ISM1: variants seen among roughly 807,000 people sequenced by gnomAD.
The protein encoded by ISM1 is isthmin 1.
Under a neutral mutation model 46.3 loss-of-function variants are expected in ISM1, and 25 were observed. The observed-to-expected ratio is 0.54, with a 90% confidence interval of 0.39 to 0.75. The LOEUF (loss-of-function observed/expected upper bound fraction) is 0.75. ISM1 is among the 30% of genes least tolerant of loss of function. The pLI is 0.00. For synonymous variants in ISM1, 255 were observed against 256.7 expected, an observed-to-expected ratio of 0.99 and a Z score of 0.06; for missense variants, 536 against 625.4, an observed-to-expected ratio of 0.86 and a Z score of 1.52.
At chr20:13,251,339 A>G (rs181385318) in intron 1 of ISM1, among the ~76,000 whole-genome samples, 16 of 152,218 alleles carry the variant, frequency 1.1e-4, no homozygotes, top group Non-Finnish European at 1.5e-5. Flanking sequence ...TCAGTTCTTA[A>G]CCTTCAAACT....
intron 1 of ISM1, among the ~76,000 whole-genome samples, chr20:13,229,144 CTCTCTCTT>C (rs2039561016): frequency 6.8e-6 from 1 of 146,394 alleles, no homozygotes; most frequent in African/African-American, 2.5e-5. Flanking sequence ...TCTTCTCTCT[CTCTCTCTT>C]TCTGCATTTT....
intron 2 of ISM1, among the ~76,000 whole-genome samples, chr20:13,276,002 AC>A (rs1202196884): frequency 6.6e-6 from 1 of 152,184 alleles, no homozygotes; most frequent in East Asian, 1.9e-4. Flanking sequence ...TGGGGTTGCC[AC>A]CCTTGTTCTT....
intron 1 of ISM1, among the ~76,000 whole-genome samples, chr20:13,259,038 T>C (rs142973358): frequency 0.026 from 3,996 of 152,184 alleles, 90 homozygotes; most frequent in Non-Finnish European, 0.039. Context: ...ATCCCAACAC[T>C]TTGGGAGGCC....
At chr20:13,279,441 T>C (rs1465241513) in intron 2 of ISM1, among the ~76,000 whole-genome samples, 193 bp from the exon 3 acceptor site, 1 of 152,208 alleles carries the variant, frequency 6.6e-6, no homozygotes, top group Non-Finnish European at 1.5e-5. Flanking sequence ...CAAAGCCATG[T>C]TCCATCTAGC....
At chr20:13,283,656 T>C (rs923984572) in intron 3 of ISM1, among the ~76,000 whole-genome samples, 1 of 152,202 alleles carries the variant, frequency 6.6e-6, no homozygotes, top group African/African-American at 2.4e-5. Context: ...CTCTTCTGTG[T>C]AGATACTTGG....
intron 3 of ISM1, among the ~76,000 whole-genome samples, chr20:13,288,158 C>A (rs2040313822): frequency 1.3e-5 from 2 of 152,224 alleles, no homozygotes; most frequent in South Asian, 4.1e-4. Context: ...AAAATAGATT[C>A]TCCTCTCTCT....
the ISM1 span, among the ~76,000 whole-genome samples, chr20:13,314,503 C>A: frequency 6.6e-6 from 1 of 151,510 alleles, no homozygotes; most frequent in African/African-American, 2.4e-5. Context: ...AGAAAAAAAA[C>A]CACCTAGATC....
intron 2 of ISM1, among the ~76,000 whole-genome samples, chr20:13,278,407 G>A (rs1348558928): frequency 6.6e-6 from 1 of 152,164 alleles, no homozygotes; most frequent in Non-Finnish European, 1.5e-5. Flanking sequence ...TCGTCTTGAG[G>A]AGCTTGTACT....
intron 2 of ISM1, among the ~76,000 whole-genome samples, chr20:13,276,666 A>C (rs1350174166): frequency 6.9e-6 from 1 of 144,402 alleles, no homozygotes; most frequent in African/African-American, 2.8e-5. Context: ...AGACTTTGTC[A>C]GTTTGGAAAT....
chr20:13,321,424 T>C, the ISM1 span, among the ~76,000 whole-genome samples: 1 of 152,162 alleles, frequency 6.6e-6, no homozygotes, highest in Non-Finnish European at 1.5e-5. Context: ...GCTGCCTTTC[T>C]AGGTAAGAGG....
At chr20:13,235,199 A>ATG (rs2123146870) in intron 1 of ISM1, among the ~76,000 whole-genome samples, 1 of 152,334 alleles carries the variant, frequency 6.6e-6, no homozygotes, top group East Asian at 1.9e-4. Context: ...GATTGGGTCT[A>ATG]GGTTTACACT....
chr20:13,229,547 C>A (rs965748532), intron 1 of ISM1, among the ~76,000 whole-genome samples: 1 of 152,178 alleles, frequency 6.6e-6, no homozygotes, highest in African/African-American at 2.4e-5. Flanking sequence ...GTAACTCTAT[C>A]ACAATTTGTA....
At chr20:13,222,308 G>A (rs1483929720) in intron 1 of ISM1, among the ~76,000 whole-genome samples, 2 of 152,178 alleles carry the variant, frequency 1.3e-5, no homozygotes, top group Non-Finnish European at 2.9e-5. Flanking sequence ...AGGGACGCAA[G>A]GAGACTTTAT....
intron 2 of ISM1, among the ~76,000 whole-genome samples, chr20:13,277,723 G>C (rs1023733097): frequency 2.6e-5 from 4 of 151,708 alleles, no homozygotes; most frequent in African/African-American, 9.7e-5. Context: ...TACAAGACTG[G>C]AGTAAGGGTG....
the ISM1 span, among the ~76,000 whole-genome samples, chr20:13,314,841 A>C: frequency 6.6e-6 from 1 of 152,130 alleles, no homozygotes; most frequent in Non-Finnish European, 1.5e-5. Context: ...ATGTTTATAC[A>C]TGCATGTATG....
intron 1 of ISM1, among the ~76,000 whole-genome samples, chr20:13,253,246 C>G (rs2039887323): frequency 6.6e-6 from 1 of 152,106 alleles, no homozygotes; most frequent in African/African-American, 2.4e-5. Flanking sequence ...TCTCTTATGT[C>G]ACTTGCTCAG....
chr20:13,231,608 T>C (rs989175425), intron 1 of ISM1, among the ~76,000 whole-genome samples: 1 of 152,102 alleles, frequency 6.6e-6, no homozygotes, highest in African/African-American at 2.4e-5. Context: ...CGAGTAGAAG[T>C]AAAAACAGTA....
At chr20:13,247,530 G>GTC (rs1325761491) in intron 1 of ISM1, among the ~76,000 whole-genome samples, 7 of 150,848 alleles carry the variant, frequency 4.6e-5, no homozygotes, top group Admixed American at 1.3e-4. Context: ...GTGTGTGTGT[G>GTC]TGTGTGTGTG....
chr20:13,318,396 G>A, the ISM1 span, among the ~76,000 whole-genome samples: 2 of 152,162 alleles, frequency 1.3e-5, no homozygotes, highest in Non-Finnish European at 2.9e-5. Context: ...AAAATGGCGT[G>A]ACCACTTTGG....
Sources: allele counts gnomAD v4.1 joint callset (sites outside exome capture counted in the v4.1 genomes callset), GRCh38; gene constraint gnomAD v4.1.1; transcripts MANE v1.5; gene names NCBI Gene and HGNC (gene_info 2026-07-23, HGNC 2026-07-21).